Variants in SLC22A4 observed in about 807,000 individuals in gnomAD.
The protein encoded by SLC22A4 is ET transporter.
SLC22A4 carries 39 observed loss-of-function variants against 56.6 expected under a neutral mutation model. That is an observed-to-expected ratio of 0.69 (90% confidence interval 0.53 to 0.90). SLC22A4 has a LOEUF of 0.90. Ranked by LOEUF, SLC22A4 falls within the 40% of genes least tolerant of loss-of-function variation. The pLI is 0.00. For missense variants in SLC22A4, 594 were observed against 696.5 expected, an observed-to-expected ratio of 0.85 and a Z score of 1.66; for synonymous variants, 241 against 281.4, an observed-to-expected ratio of 0.86 and a Z score of 1.44.
chr5:132,308,272 G>T (rs565760366), intron 1 of SLC22A4, among the ~76,000 whole-genome samples: 2 of 151,098 alleles, frequency 1.3e-5, no homozygotes, highest in South Asian at 4.2e-4. Context: ...GCTTGACCTT[G>T]AGCTTTGTGA....
At chr5:132,306,398 T>TA (rs1750034799) in intron 1 of SLC22A4, among the ~76,000 whole-genome samples, 1 of 31,874 alleles carries the variant, frequency 3.1e-5, no homozygotes, top group Non-Finnish European at 5.0e-5. Flanking sequence ...TATATATATA[T>TA]ATATATATAT....
intron 1 of SLC22A4, among the ~76,000 whole-genome samples, chr5:132,306,384 AAT>A (rs55779142): frequency 6.9e-4 from 21 of 30,600 alleles, no homozygotes; most frequent in Non-Finnish European, 1.1e-3. Flanking sequence ...CAAACCGTGA[AAT>A]ATATATATAT....
chr5:132,313,951 C>T (rs901188634), intron 3 of SLC22A4, among the ~76,000 whole-genome samples, 183 bp downstream of exon 3: 3 of 152,152 alleles, frequency 2.0e-5, no homozygotes, highest in African/African-American at 7.2e-5. Flanking sequence ...CAGGGAGCCA[C>T]CTCTGTGCTG....
chr5:132,342,029 GAAAC>G (rs954126725), intron 9 of SLC22A4, among the ~76,000 whole-genome samples: 4 of 151,404 alleles, frequency 2.6e-5, no homozygotes, highest in African/African-American at 9.7e-5. Context: ...ATACCAGGAG[GAAAC>G]AAACATTTTT....
At chr5:132,336,174 TACAG>T (rs67200157) in intron 8 of SLC22A4, among the ~76,000 whole-genome samples, 174 bp downstream of exon 8, 11,142 of 152,194 alleles carry the variant, frequency 0.073, 531 homozygotes, top group East Asian at 0.27. Context: ...TGAGTAGCGC[TACAG>T]ACATTTTGTT....
Position 132,324,607 on chromosome 5 carries a change from G to A in SLC22A4, c.824+2252G>A, listed in dbSNP as rs1292443224. 8.5e-6 allele frequency: 4 copies of A among 470,916 alleles called. No homozygotes were observed. In the East Asian group the frequency reaches 2.8e-4, roughly 33 times the overall value. The allele number at this position is 470,916 out of a possible 1,614,324, so 29.2% of individuals were successfully genotyped here. ...GTGGTCTTACCATTTTCCTATAAAA[G>A]AAAATAGCTTTCTTCTGAACATCCC... On this transcript the variant is annotated intron_variant, in intron 4 of 9. Coordinates refer to ENST00000200652, the MANE Select transcript of SLC22A4 (RefSeq NM_003059.3).
chr5:132,331,634 C>T, intron 5 of SLC22A4, 122 bp from the exon 6 acceptor site: 1 of 783,704 alleles, frequency 1.3e-6, no homozygotes, highest in Non-Finnish European at 2.3e-6. Flanking sequence ...AATCACCAGA[C>T]TTCTAAGCAT....
At chr5:132,333,800 TTTTA>T (rs1750934955) in intron 6 of SLC22A4, among the ~76,000 whole-genome samples, 1 of 152,112 alleles carries the variant, frequency 6.6e-6, no homozygotes, top group Non-Finnish European at 1.5e-5. Context: ...AGCTTCTTTT[TTTTA>T]TTTATGTTTT....
In SLC22A4 at chr5:132,301,942, G is replaced by A. The variant is rs75109058; in HGVS notation, c.393+6933G>A. ...AGTCCATACTCAGACCTGCCCTCTGGCAGATTCCAAAGGGGATAAGGTGTG... is the reference window on the plus strand; with the variant it reads ...AGTCCATACTCAGACCTGCCCTCTGACAGATTCCAAAGGGGATAAGGTGTG... On this transcript the variant is annotated intron_variant, in intron 1 of 9. Transcript: ENST00000200652. Among the ~76,000 whole-genome samples the A allele has an allele frequency of 5.2e-3, 796 of 152,340 alleles. 4 individuals are homozygous for A. Among genetic ancestry groups the A allele is most frequent in the African/African-American group, 0.018 (757 of 41,574 alleles).
intron 1 of SLC22A4, among the ~76,000 whole-genome samples, chr5:132,302,660 A>C (rs56769225): frequency 3.3e-5 from 5 of 152,354 alleles, no homozygotes; most frequent in African/African-American, 1.2e-4. Flanking sequence ...GCTTCCCCTC[A>C]GTGCTTGGTG....
At chr5:132,325,816 G>A (rs948345414) in intron 4 of SLC22A4, among the ~76,000 whole-genome samples, 1 of 152,160 alleles carries the variant, frequency 6.6e-6, no homozygotes, top group African/African-American at 2.4e-5. Context: ...GGACCAAATT[G>A]AGGACCAGCT....
At chr5:132,308,372 ATTTTTTTTTTTTTTTTTTTTTTTTTTT>A (rs56259514) in intron 1 of SLC22A4, among the ~76,000 whole-genome samples, 16 of 61,300 alleles carry the variant, frequency 2.6e-4, no homozygotes, top group Non-Finnish European at 3.5e-4. Context: ...TGATTAAGCA[ATTTTTTTTTTTTTTTTTTTTTTTTTTT>A]TTTTTTTTTT....
At chr5:132,334,972 C>A in intron 7 of SLC22A4, 40 bp downstream of exon 7, 2 of 1,388,076 alleles carry the variant, frequency 1.4e-6, no homozygotes, top group Non-Finnish European at 2.1e-6. Flanking sequence ...CCAGAAAAGA[C>A]CCACATATTG....
intron 1 of SLC22A4, among the ~76,000 whole-genome samples, chr5:132,302,635 G>A (rs1749931038): frequency 6.6e-6 from 1 of 152,212 alleles, no homozygotes. Context: ...GCAGGTTCAG[G>A]CGGCAACTTC....
chr5:132,309,519 G>A (rs1405699074), intron 1 of SLC22A4, among the ~76,000 whole-genome samples: 2 of 152,232 alleles, frequency 1.3e-5, no homozygotes, highest in African/African-American at 4.8e-5. Flanking sequence ...AGAGCCTACA[G>A]GAAGGAGAAT....
At chr5:132,309,891 C>T (rs1182813467) in intron 1 of SLC22A4, among the ~76,000 whole-genome samples, 6 of 152,270 alleles carry the variant, frequency 3.9e-5, no homozygotes, top group Non-Finnish European at 2.9e-5. Context: ...AAAGTCCAGA[C>T]AGAAAAATAT....
At chr5:132,313,324 C>A (rs1750237640) in intron 2 of SLC22A4, among the ~76,000 whole-genome samples, 2 of 152,234 alleles carry the variant, frequency 1.3e-5, no homozygotes, top group African/African-American at 4.8e-5. Context: ...CTGGTAGCAT[C>A]TATCTGTGGC....
intron 4 of SLC22A4, among the ~76,000 whole-genome samples, chr5:132,323,811 C>A (rs780433746): frequency 2.6e-5 from 4 of 152,226 alleles, no homozygotes; most frequent in Non-Finnish European, 4.4e-5. Flanking sequence ...TTCAAAGGTT[C>A]TTTTCTGCCT....
At chr5:132,339,475 T>TACACAAACAC (rs1554084163) in intron 8 of SLC22A4, among the ~76,000 whole-genome samples, 1 of 146,638 alleles carries the variant, frequency 6.8e-6, no homozygotes, top group African/African-American at 2.5e-5. Context: ...GGTACACACG[T>TACACAAACAC]ACACACACAC....
Sources: gnomAD v4.1 joint callset for allele counts (sites outside exome capture counted in the v4.1 genomes callset) on GRCh38, gnomAD v4.1.1 for gene constraint, MANE v1.5 for transcripts, NCBI Gene and HGNC (gene_info 2026-07-23, HGNC 2026-07-21) for gene names.